Variants in CPA6 observed in about 807,000 individuals in gnomAD.
CPA6 encodes the protein carboxypeptidase A6, also known as carboxypeptidase B.
A neutral mutation model predicts 63.3 loss-of-function variants in CPA6; 58 were observed. The observed-to-expected ratio is 0.92, with a 90% CI of 0.74 to 1.14. CPA6 has a LOEUF of 1.14. Ranked by LOEUF, CPA6 falls within the 50% of genes most tolerant of loss-of-function variation. CPA6 has a pLI of 0.00. For synonymous variants in CPA6, 185 were observed against 179.0 expected (o/e 1.03, Z -0.27); for missense variants, 565 against 526.6 (o/e 1.07, Z -0.71).
intron 2 of CPA6, among the ~76,000 whole-genome samples, chr8:67,547,103 G>T (rs972930219): frequency 6.6e-6 from 1 of 152,116 alleles, no homozygotes; most frequent in Non-Finnish European, 1.5e-5. Flanking sequence ...CTGGAGTGCA[G>T]TGGCGCCATC....
chr8:67,719,916 G>A (rs1457606533), intron 1 of CPA6, among the ~76,000 whole-genome samples: 1 of 152,136 alleles, frequency 6.6e-6, no homozygotes, highest in Non-Finnish European at 1.5e-5. Flanking sequence ...ATCCACATCC[G>A]TGTCCAGCAA....
At chr8:67,641,239 C>T (rs147590317) in intron 1 of CPA6, among the ~76,000 whole-genome samples, 4 of 151,896 alleles carry the variant, frequency 2.6e-5, no homozygotes, top group African/African-American at 9.7e-5. Flanking sequence ...TTCAGTAAAA[C>T]ATTGTTTGAA....
intron 2 of CPA6, among the ~76,000 whole-genome samples, chr8:67,592,092 T>A (rs1395620649): frequency 2.6e-5 from 4 of 152,122 alleles, no homozygotes; most frequent in Admixed American, 2.6e-4. Flanking sequence ...AGTTTTTAGC[T>A]TGAAGGGTTG....
At chr8:67,636,360 T>C (rs1307636983) in intron 1 of CPA6, among the ~76,000 whole-genome samples, 3 of 151,540 alleles carry the variant, frequency 2.0e-5, no homozygotes, top group Non-Finnish European at 2.9e-5. Context: ...GTATAATACA[T>C]TTTAAAATTA....
chr8:67,441,393 T>C (rs569457353), intron 8 of CPA6, among the ~76,000 whole-genome samples: 10 of 152,338 alleles, frequency 6.6e-5, no homozygotes, highest in Admixed American at 4.6e-4. Flanking sequence ...GACTTGGTAG[T>C]GTAAAGATAT....
At chr8:67,699,001 T>C (rs952381341) in intron 1 of CPA6, among the ~76,000 whole-genome samples, 1 of 152,070 alleles carries the variant, frequency 6.6e-6, no homozygotes, top group Non-Finnish European at 1.5e-5. Flanking sequence ...ATCCACTACA[T>C]AGTTGGAAGG....
chr8:67,643,532 A>C (rs534827236), intron 1 of CPA6, among the ~76,000 whole-genome samples: 1 of 144,434 alleles, frequency 6.9e-6, no homozygotes, highest in South Asian at 2.3e-4. Flanking sequence ...TTAGGGATAC[A>C]AGTATATATG....
At chr8:67,437,771 A>G (rs1333589362) in intron 8 of CPA6, among the ~76,000 whole-genome samples, 1 of 152,234 alleles carries the variant, frequency 6.6e-6, no homozygotes, top group African/African-American at 2.4e-5. Context: ...GGAAGAGTAA[A>G]GAATAGGAAA....
At chr8:67,450,532 T>A (rs1169832696) in intron 8 of CPA6, among the ~76,000 whole-genome samples, 1 of 152,232 alleles carries the variant, frequency 6.6e-6, no homozygotes, top group African/African-American at 2.4e-5. Context: ...TTTATCCTTT[T>A]TAAGGAGAGA....
At chr8:67,479,862 T>C (rs1811320139) in intron 8 of CPA6, among the ~76,000 whole-genome samples, 1 of 152,130 alleles carries the variant, frequency 6.6e-6, no homozygotes. Context: ...TGGCCATCTA[T>C]TGTTATTTCA....
intron 2 of CPA6, among the ~76,000 whole-genome samples, chr8:67,575,111 T>C (rs1813589415): frequency 1.3e-5 from 2 of 152,114 alleles, no homozygotes; most frequent in Admixed American, 6.5e-5. Flanking sequence ...GACATATGAA[T>C]GGCTAACAAA....
intron 2 of CPA6, among the ~76,000 whole-genome samples, chr8:67,623,475 G>A (rs530017111): frequency 5.9e-5 from 9 of 151,860 alleles, no homozygotes; most frequent in Non-Finnish European, 1.2e-4. Flanking sequence ...TGGCGACAGA[G>A]CAAGACCCTG....
At chr8:67,701,040 C>T (rs75101805) in intron 1 of CPA6, among the ~76,000 whole-genome samples, 6,620 of 152,122 alleles carry the variant, frequency 0.044, 245 homozygotes, top group African/African-American at 0.097. Flanking sequence ...TAGATACAAT[C>T]GTTTCCTCAC....
chr8:67,546,628 G>A (rs1404755093), intron 2 of CPA6, among the ~76,000 whole-genome samples: 2 of 152,050 alleles, frequency 1.3e-5, no homozygotes, highest in Non-Finnish European at 2.9e-5. Context: ...CTGATTGCTG[G>A]GCCCCATGTC....
chr8:67,422,261 C>T lies in CPA6; in HGVS notation c.*243G>A, dbSNP rs891587369. 3.1e-5 allele frequency: 11 copies of T among 356,298 alleles called. No individual in the cohort carries two copies. Among genetic ancestry groups the T allele is most frequent in the African/African-American group, 1.9e-4 (9 of 48,382 alleles). 22.1% of individuals were successfully genotyped at this position (356,298 alleles called of 1,614,324 possible). On this transcript the variant is annotated 3_prime_UTR_variant, in exon 11 of 11. Transcript: ENST00000297770. ...TGGGAAATTTGAAAACATTCCCTCC[C>T]ACCATAATCAAATAAGACTCTAAAA...
intron 1 of CPA6, among the ~76,000 whole-genome samples, chr8:67,714,894 A>G (rs1279926171): frequency 6.6e-6 from 1 of 152,168 alleles, no homozygotes; most frequent in East Asian, 1.9e-4. Flanking sequence ...TCATTTGAGA[A>G]TTTAAAAATA....
At chr8:67,654,458 T>A (rs1390704540) in intron 1 of CPA6, among the ~76,000 whole-genome samples, 2 of 152,198 alleles carry the variant, frequency 1.3e-5, no homozygotes, top group African/African-American at 4.8e-5. Flanking sequence ...AACTTCTTCC[T>A]GGTTTAGTCT....
At chr8:67,447,085 TATAC>T (rs1810441394) in intron 8 of CPA6, among the ~76,000 whole-genome samples, 5 of 151,430 alleles carry the variant, frequency 3.3e-5, no homozygotes, top group Admixed American at 2.6e-4. Flanking sequence ...TACACATATA[TATAC>T]ACACATATAT....
chr8:67,484,139 G>C (rs1043527792), intron 7 of CPA6, among the ~76,000 whole-genome samples: 3 of 151,538 alleles, frequency 2.0e-5, no homozygotes, highest in African/African-American at 7.3e-5. Context: ...GCACGATCTC[G>C]GCTCACTGCA....
Sources: gnomAD v4.1 joint callset for allele counts (sites outside exome capture counted in the v4.1 genomes callset) on GRCh38, gnomAD v4.1.1 for gene constraint, MANE v1.5 for transcripts, NCBI Gene and HGNC (gene_info 2026-07-23, HGNC 2026-07-21) for gene names.